Variants in LRIF1 observed in about 807,000 individuals in gnomAD.
LRIF1 encodes the protein ligand-dependent nuclear receptor-interacting factor 1.
A neutral mutation model predicts 52.7 loss-of-function variants in LRIF1; 32 were observed. That is an observed-to-expected ratio of 0.61 (90% confidence interval 0.46 to 0.82). The LOEUF is 0.82. Among genes scored for constraint, LRIF1 ranks in the 40% least tolerant of loss-of-function variants. The pLI, the probability that LRIF1 is intolerant of heterozygous loss-of-function variation, is 0.00. For missense variants in LRIF1, 887 were observed against 892.0 expected (o/e 0.99, Z 0.07); for synonymous variants, 323 against 317.4 (o/e 1.02, Z -0.19).
chr1:110,936,618 C>G, the LRIF1 span: 1 of 151,788 alleles, frequency 6.6e-6, no homozygotes, highest in African/African-American at 2.4e-5. Flanking sequence ...AAATAAAAAG[C>G]AAGAAACTAA....
At chr1:110,876,456 A>G in the LRIF1 span, among the ~76,000 whole-genome samples, 5 of 152,200 alleles carry the variant, frequency 3.3e-5, no homozygotes, top group Admixed American at 6.5e-5. Flanking sequence ...CAAACTAAAT[A>G]CTTAACATAT....
At chr1:110,933,381 G>A in the LRIF1 span, among the ~76,000 whole-genome samples, 3 of 152,112 alleles carry the variant, frequency 2.0e-5, no homozygotes, top group South Asian at 2.1e-4. Context: ...CAAAAATCAG[G>A]TGAGCACTCA....
the LRIF1 span, chr1:110,899,295 T>C: frequency 2.5e-6 from 2 of 791,004 alleles, no homozygotes; most frequent in East Asian, 2.7e-5. Context: ...ATGATCCTCC[T>C]CCCATCCTTT....
chr1:110,907,085 C>T, the LRIF1 span, among the ~76,000 whole-genome samples: 5 of 152,154 alleles, frequency 3.3e-5, no homozygotes, highest in Admixed American at 3.3e-4. Context: ...CAAACCCCTG[C>T]ACTAAGAGAC....
the LRIF1 span, among the ~76,000 whole-genome samples, chr1:110,917,155 T>C: frequency 6.6e-6 from 1 of 152,212 alleles, no homozygotes; most frequent in Non-Finnish European, 1.5e-5. Flanking sequence ...ATGTTTAGCA[T>C]CAGGACAAAG....
rs1570938003 is a variant in LRIF1 at position 110,948,340 on chromosome 1, C to T, written c.1929G>A (p.Lys643=). 1.2e-6 allele frequency: 2 copies of T among 1,613,950 alleles called. No individual in the cohort carries two copies. The highest frequency in any genetic ancestry group is 4.5e-5 in the East Asian group (2 of 44,864). ...CGTTATAAGCATTCTCTGTTTTTCTCTTCTTTATGTGATCCATCTTCTTAT... is the reference window on the plus strand; with the variant it reads ...CGTTATAAGCATTCTCTGTTTTTCTTTTCTTTATGTGATCCATCTTCTTAT... ...KTNKKMDHIK[K]RKTENAYNAI... is the part of the protein sequence containing the mutation. The change falls in exon 4 of 4, where the codon AAG becomes AAA. Residue 643 remains lysine (K), a synonymous_variant. Coordinates refer to ENST00000369763, the MANE Select transcript of LRIF1 (RefSeq NM_018372.4).
At chr1:110,951,249 T>C (rs748813686) in intron 2 of LRIF1, 39 bp downstream of exon 2, 2 of 1,507,186 alleles carry the variant, frequency 1.3e-6, no homozygotes, top group Non-Finnish European at 9.0e-7. Flanking sequence ...CTTTTCTATA[T>C]AGATATATAA....
At chr1:110,928,807 T>C in the LRIF1 span, among the ~76,000 whole-genome samples, 11 of 152,068 alleles carry the variant, frequency 7.2e-5, no homozygotes, top group Non-Finnish European at 1.3e-4. Flanking sequence ...AGTTCAGTGG[T>C]GACAGAGGAC....
the LRIF1 span, chr1:110,937,433 AAACT>A: frequency 1.3e-5 from 2 of 152,124 alleles, no homozygotes; most frequent in African/African-American, 4.8e-5. Flanking sequence ...AGAACCTTGA[AAACT>A]ATACAAATAC....
chr1:110,887,344 G>T, the LRIF1 span, among the ~76,000 whole-genome samples: 2 of 152,102 alleles, frequency 1.3e-5, no homozygotes, highest in South Asian at 4.1e-4. Flanking sequence ...GATTACAGGC[G>T]TGAGCCACCG....
At position 110,963,910 on chromosome 1, in the gene LRIF1, G is replaced by A. The variant is rs1659076052; in HGVS notation, c.-222C>T. 2.4e-6 allele frequency: 1 copy of A among 424,716 alleles called. No homozygotes were observed. The highest frequency in any genetic ancestry group is 4.5e-6 in the Non-Finnish European group (1 of 224,576). The allele number at this position is 424,716 out of a possible 1,614,324, so 26.3% of individuals were successfully genotyped here. ...ACCGCGCAGAAACCGGAAGGCTCCT[G>A]GCGGTGGACTGCGCCCTCACAGCCC... On this transcript the variant is annotated 5_prime_UTR_variant, in exon 1 of 4. Coordinates refer to ENST00000369763, the MANE Select transcript of LRIF1 (RefSeq NM_018372.4).
At chr1:110,920,213 A>G in the LRIF1 span, among the ~76,000 whole-genome samples, 1 of 152,206 alleles carries the variant, frequency 6.6e-6, no homozygotes, top group South Asian at 2.1e-4. Context: ...AAGAATTGAA[A>G]ACCTATGTTC....
the LRIF1 span, among the ~76,000 whole-genome samples, chr1:110,915,758 T>C: frequency 7.2e-5 from 11 of 152,220 alleles, no homozygotes; most frequent in Non-Finnish European, 1.5e-5. Context: ...TATCACTACT[T>C]GTTCAAATGC....
At chr1:110,893,125 T>C in the LRIF1 span, among the ~76,000 whole-genome samples, 1 of 152,214 alleles carries the variant, frequency 6.6e-6, no homozygotes, top group Non-Finnish European at 1.5e-5. Context: ...GCTTAGGTTT[T>C]GCCTGTAAGC....
Position 110,957,470 on chromosome 1 carries a change from C to CAAAAAA in LRIF1, c.69-4661_69-4656dup, listed in dbSNP as rs34396800. On this transcript the variant is annotated intron_variant, in intron 1 of 3. Transcript: ENST00000369763. Reference sequence around the variant, plus strand: ...TGGGCGACAAAGCAAGACTCAGTCTCAAAAAAAAAAAAAAAAAAAAAAGAC... The same window carrying CAAAAAA: ...TGGGCGACAAAGCAAGACTCAGTCTCAAAAAAAAAAAAAAAAAAAAAAAAAAAAGAC... Among the ~76,000 whole-genome samples, 26 of 42,792 alleles carry CAAAAAA rather than the reference C, an allele frequency of 6.1e-4. 2 individuals are homozygous for CAAAAAA. The highest frequency in any genetic ancestry group is 1.6e-3 in the African/African-American group (14 of 8,828). 28.1% of individuals were successfully genotyped at this position (42,792 alleles called of 152,430 possible).
At chr1:110,961,180 ACT>A (rs1297220463) in intron 1 of LRIF1, among the ~76,000 whole-genome samples, 1 of 151,416 alleles carries the variant, frequency 6.6e-6, no homozygotes, top group African/African-American at 2.4e-5. Context: ...CCCTTTCTCT[ACT>A]CTCTTCCTTT....
chr1:110,918,488 A>G, the LRIF1 span, among the ~76,000 whole-genome samples: 1 of 152,222 alleles, frequency 6.6e-6, no homozygotes, highest in Non-Finnish European at 1.5e-5. Context: ...ATGACAAAGA[A>G]TTATAAAATG....
At chr1:110,948,474 C>T in intron 3 of LRIF1, 75 bp from the exon 4 acceptor site, 1 of 1,484,938 alleles carries the variant, frequency 6.7e-7, no homozygotes, top group Non-Finnish European at 8.9e-7. Context: ...CCAAACTTAA[C>T]AACGTCTGCA....
chr1:110,893,536 G>A, the LRIF1 span, among the ~76,000 whole-genome samples: 1 of 152,174 alleles, frequency 6.6e-6, no homozygotes, highest in Non-Finnish European at 1.5e-5. Context: ...TGGTCAAGCT[G>A]GTCTCTAACT....
Sources: gnomAD v4.1 joint callset for allele counts (sites outside exome capture counted in the v4.1 genomes callset) on GRCh38, gnomAD v4.1.1 for gene constraint, MANE v1.5 for transcripts, NCBI Gene and HGNC (gene_info 2026-07-23, HGNC 2026-07-21) for gene names.